The following NKAIN3 variants were observed in gnomAD, a reference collection of about 807,000 sequenced individuals.
NKAIN3 encodes the protein sodium/potassium-transporting ATPase subunit beta-1-interacting protein 3.
A neutral mutation model predicts 30.2 loss-of-function variants in NKAIN3; 25 were observed. That is an observed-to-expected ratio of 0.83 (90% CI 0.60 to 1.16). The LOEUF (loss-of-function observed/expected upper bound fraction) is 1.16. NKAIN3 is among the 50% of genes most tolerant of loss of function. The probability of loss-of-function intolerance (pLI) is 0.00; values close to 1 mark genes in which losing one functional copy is unlikely to be tolerated. For synonymous variants in NKAIN3, 91 were observed against 89.6 expected (o/e 1.02, Z -0.09); for missense variants, 225 against 254.1 (o/e 0.89, Z 0.78).
chr8:62,425,175 T>G (rs1239747631), intron 1 of NKAIN3, among the ~76,000 whole-genome samples: 3 of 151,842 alleles, frequency 2.0e-5, no homozygotes, highest in African/African-American at 7.2e-5. Flanking sequence ...AAGTTTCAGT[T>G]AGGCAAGATT....
In NKAIN3 at chr8:62,956,612, T is replaced by A. The variant is rs112608836; in HGVS notation, c.603+2640T>A. On this transcript the variant is annotated intron_variant, in intron 6 of 6. Transcript: ENST00000623646. ...GGATAGGGGTAAGGTGGTTCACATA[T>A]GGATTTGGTCTCTCATGTTTTGTTT... is the stretch of plus-strand genomic sequence containing the variant. 7.7e-3 allele frequency among the ~76,000 whole-genome samples: 1,180 copies of A among 152,276 alleles called. 7 individuals are homozygous for A. Among genetic ancestry groups the A allele is most frequent in the Non-Finnish European group, 0.011 (757 of 68,028 alleles).
At chr8:62,352,696 G>C (rs1463494254) in intron 1 of NKAIN3, among the ~76,000 whole-genome samples, 1 of 152,138 alleles carries the variant, frequency 6.6e-6, no homozygotes, top group African/African-American at 2.4e-5. Flanking sequence ...ATCTCACATT[G>C]TTTGAACCTT....
intron 4 of NKAIN3, among the ~76,000 whole-genome samples, chr8:62,917,212 C>A (rs1822135317): frequency 6.6e-6 from 1 of 152,150 alleles, no homozygotes; most frequent in Non-Finnish European, 1.5e-5. Flanking sequence ...AACCAAAAGC[C>A]CCTCTAGACA....
intron 4 of NKAIN3, among the ~76,000 whole-genome samples, chr8:62,843,695 T>C (rs146470211): frequency 3.9e-5 from 6 of 152,190 alleles, no homozygotes; most frequent in African/African-American, 1.4e-4. Flanking sequence ...CTTCTAGAAA[T>C]GTAAGGTAAT....
chr8:62,401,183 ATTC>A (rs896766129), intron 1 of NKAIN3, among the ~76,000 whole-genome samples: 4 of 151,842 alleles, frequency 2.6e-5, no homozygotes, highest in Admixed American at 6.6e-5. Flanking sequence ...AAATTCACTA[ATTC>A]TTCTGCTTGA....
intron 4 of NKAIN3, among the ~76,000 whole-genome samples, chr8:62,875,211 A>G (rs1002542605): frequency 1.1e-4 from 16 of 152,188 alleles, no homozygotes; most frequent in Admixed American, 3.3e-4. Flanking sequence ...ATCATGAGTG[A>G]ACTCCCATTC....
At chr8:62,780,110 T>C (rs1817310957) in intron 4 of NKAIN3, among the ~76,000 whole-genome samples, 1 of 152,006 alleles carries the variant, frequency 6.6e-6, no homozygotes, top group Non-Finnish European at 1.5e-5. Flanking sequence ...TGAGGAGATA[T>C]TACAACTGAC....
chr8:62,412,499 A>G (rs1277252208), intron 1 of NKAIN3, among the ~76,000 whole-genome samples: 4 of 152,168 alleles, frequency 2.6e-5, no homozygotes, highest in Admixed American at 6.5e-5. Flanking sequence ...GAAAATCTTT[A>G]AACAGACAAT....
intron 1 of NKAIN3, among the ~76,000 whole-genome samples, chr8:62,272,792 G>A (rs1350444844): frequency 2.0e-5 from 3 of 152,088 alleles, no homozygotes; most frequent in South Asian, 2.1e-4. Flanking sequence ...CAGCCCTAGC[G>A]GTCATAGCTA....
At position 62,357,133 on chromosome 8, in the gene NKAIN3, G is replaced by A. The variant is rs147077261; in HGVS notation, c.54+108006G>A. ...AAAAAACAAACAAACAAACAAAAAAGGCATTCCAGGACCAGGTGCAGTGGC... is the reference window on the plus strand; with the variant it reads ...AAAAAACAAACAAACAAACAAAAAAAGCATTCCAGGACCAGGTGCAGTGGC... On this transcript the variant is annotated intron_variant, in intron 1 of 6. Coordinates refer to ENST00000623646, the MANE Select transcript of NKAIN3 (RefSeq NM_001304533.3). 2.4e-3 allele frequency among the ~76,000 whole-genome samples: 357 copies of A among 151,750 alleles called. 3 individuals carry two copies. The highest frequency in any genetic ancestry group is 0.01 in the Middle Eastern group (3 of 294).
At chr8:62,754,708 G>A (rs933900890) in intron 4 of NKAIN3, among the ~76,000 whole-genome samples, 3 of 151,888 alleles carry the variant, frequency 2.0e-5, no homozygotes, top group East Asian at 1.9e-4. Flanking sequence ...CTTTCATATC[G>A]GACACATTCA....
chr8:62,520,924 C>T (rs1808134618), intron 1 of NKAIN3, among the ~76,000 whole-genome samples: 4 of 151,612 alleles, frequency 2.6e-5, no homozygotes, highest in Admixed American at 6.6e-5. Context: ...AAATATGATT[C>T]ACCAGGAAGT....
chr8:62,305,815 C>G (rs558708572), intron 1 of NKAIN3, among the ~76,000 whole-genome samples: 1 of 150,406 alleles, frequency 6.6e-6, no homozygotes, highest in East Asian at 1.9e-4. Flanking sequence ...GACTGAGGAT[C>G]TTGACTCATT....
chr8:62,370,425 G>T (rs898233074), intron 1 of NKAIN3, among the ~76,000 whole-genome samples: 3 of 151,752 alleles, frequency 2.0e-5, no homozygotes, highest in African/African-American at 7.3e-5. Context: ...AAGAAAATGG[G>T]GGGGAACAAA....
At chr8:62,388,007 T>C (rs1284921477) in intron 1 of NKAIN3, among the ~76,000 whole-genome samples, 2 of 152,194 alleles carry the variant, frequency 1.3e-5, no homozygotes, top group Admixed American at 6.6e-5. Context: ...GTTTTAGCCA[T>C]GGGTAAATTT....
chr8:62,408,067 C>T (rs1804129883), intron 1 of NKAIN3, among the ~76,000 whole-genome samples: 1 of 152,154 alleles, frequency 6.6e-6, no homozygotes, highest in African/African-American at 2.4e-5. Context: ...CCCATAGGAT[C>T]GCACTGTATT....
At chr8:62,808,843 G>A (rs1015464187) in intron 4 of NKAIN3, among the ~76,000 whole-genome samples, 2 of 152,118 alleles carry the variant, frequency 1.3e-5, no homozygotes, top group Non-Finnish European at 2.9e-5. Flanking sequence ...CTTATCAGGA[G>A]ACACGGTTTG....
chr8:62,638,363 T>C (rs1264790683), intron 3 of NKAIN3, among the ~76,000 whole-genome samples: 1 of 152,156 alleles, frequency 6.6e-6, no homozygotes, highest in Admixed American at 6.5e-5. Context: ...ATTCTACATA[T>C]GTAGAACATA....
At chr8:62,709,808 C>G (rs1814657429) in intron 3 of NKAIN3, among the ~76,000 whole-genome samples, 1 of 151,962 alleles carries the variant, frequency 6.6e-6, no homozygotes, top group Middle Eastern at 3.4e-3. Context: ...TGATTTGTGA[C>G]CTTGGAACGT....
Sources: gnomAD v4.1 joint callset for allele counts (sites outside exome capture counted in the v4.1 genomes callset) on GRCh38, gnomAD v4.1.1 for gene constraint, MANE v1.5 for transcripts, NCBI Gene and HGNC (gene_info 2026-07-23, HGNC 2026-07-21) for gene names.